The following CIITA variants were observed in gnomAD, a reference collection of about 807,000 sequenced individuals.
The protein encoded by CIITA is class II major histocompatibility complex transactivator, also known as MHC class II transactivator.
In CIITA, 72 loss-of-function variants were observed where a neutral mutation model predicts 115.1. The ratio of observed to expected loss-of-function variants is 0.63; its 90% CI spans 0.52 to 0.76. CIITA has a LOEUF of 0.76. Ranked by LOEUF, CIITA falls within the 30% of genes least tolerant of loss-of-function variation. CIITA has a pLI of 0.00. For synonymous variants in CIITA, 763 were observed against 635.6 expected (o/e 1.20, Z -3.02); for missense variants, 1,617 against 1,463.8 (o/e 1.10, Z -1.71).
chr16:10,922,066 T>C, intron 16 of CIITA, 101 bp from the exon 17 acceptor site: 4 of 1,025,988 alleles, frequency 3.9e-6, no homozygotes, highest in East Asian at 2.4e-5. Flanking sequence ...CCCCCAGGGA[T>C]AGTGGGACCA....
downstream of CIITA, chr16:10,936,793 C>A (rs1216989765): frequency 6.6e-6 from 1 of 152,198 alleles, no homozygotes; most frequent in Non-Finnish European, 1.5e-5. Flanking sequence ...GTTCCCTCGG[C>A]CTCCACTTCC....
chr16:10,941,970 T>G lies in CIITA; in HGVS notation n.1096T>G. ...GCACGTAGGGGACCAGGGGGCCCAG[T>G]GCGTCCAGGTGGGCCGCGACCCGGG... On this transcript the variant is annotated non_coding_transcript_exon_variant, in exon 2 of 2. Transcript: ENST00000573379. This position sits in a 1 kb window ranked among gnomAD's most constrained non-coding sequence, Gnocchi z 6.4. The G allele has an allele frequency of 6.5e-7, 1 of 1,529,332 alleles. No individual in the cohort carries two copies. The highest frequency in any genetic ancestry group is 8.8e-7 in the Non-Finnish European group (1 of 1,138,978). 94.7% of individuals were successfully genotyped at this position (1,529,332 alleles called of 1,614,324 possible).
At position 10,906,602 on chromosome 16, in the gene CIITA, G is replaced by A; in HGVS notation, c.1110G>A (p.Leu370=). 6.2e-7 allele frequency: 1 copy of A among 1,613,824 alleles called. No homozygotes were observed. Among genetic ancestry groups the A allele is most frequent in the Non-Finnish European group, 8.5e-7 (1 of 1,180,020 alleles). ...AGGTGGATCTGGTGCAGGCCAGGCT[G>A]GAGAGGAGCAGCAGCAAGAGCCTGG... ...LVEVDLVQAR[L]ERSSSKSLER... Residue 370 remains leucine, a synonymous_variant, in exon 11 of 20, where the codon CTG becomes CTA. Transcript: ENST00000324288.
At chr16:10,867,404 G>A (rs563919907) in intron 1 of CIITA, among the ~76,000 whole-genome samples, 11 of 151,728 alleles carry the variant, frequency 7.2e-5, no homozygotes, top group Non-Finnish European at 1.2e-4. Context: ...GACAGAAACC[G>A]AAAGACAGAG....
In CIITA at chr16:10,907,043, G is replaced by C; in HGVS notation, c.1551G>C (p.Pro517=). ...QDGFLHSTCG[P]APAEPCSLRG... ...GCTTCCTGCACAGCACGTGCGGACC[G>C]GCACCGGCGGAGCCCTGCTCCCTCC... The change falls in exon 11 of 20, where the codon CCG becomes CCC. Residue 517 remains proline (P), a synonymous_variant. Coordinates refer to ENST00000324288, the MANE Select transcript of CIITA (RefSeq NM_000246.4). The surrounding 1 kb of genome is among the most constrained non-coding windows in gnomAD (Gnocchi z 5.0). 6.2e-7 allele frequency: 1 copy of C among 1,607,226 alleles called. No homozygotes were observed. Among genetic ancestry groups the C allele is most frequent in the Non-Finnish European group, 8.5e-7 (1 of 1,179,900 alleles).
intron 16 of CIITA, among the ~76,000 whole-genome samples, chr16:10,919,624 T>C (rs1315438694): frequency 2.0e-5 from 3 of 152,318 alleles, no homozygotes; most frequent in Non-Finnish European, 2.9e-5. Context: ...ACCTCCCACC[T>C]CAGCCTTCCA....
chr16:10,895,274 C>T lies in CIITA; in HGVS notation c.53-8C>T. The T allele has an allele frequency of 6.2e-7, 1 of 1,613,734 alleles. No individual in the cohort carries two copies. The highest frequency in any genetic ancestry group is 8.5e-7 in the Non-Finnish European group (1 of 1,180,022). ...TGTGAGGTGACTGAGCATTGTCTTCCCTCCCAGGCAGCTCACAGTGTGCCA... is the reference window on the plus strand; with the variant it reads ...TGTGAGGTGACTGAGCATTGTCTTCTCTCCCAGGCAGCTCACAGTGTGCCA... On this transcript the variant is annotated splice_polypyrimidine_tract_variant and splice_region_variant and intron_variant, in intron 1 of 19. Coordinates refer to ENST00000324288, the MANE Select transcript of CIITA (RefSeq NM_000246.4).
intron 1 of CIITA, among the ~76,000 whole-genome samples, chr16:10,884,971 T>C (rs2036789219): frequency 6.6e-6 from 1 of 152,130 alleles, no homozygotes; most frequent in African/African-American, 2.4e-5. Flanking sequence ...CAAGCCATTA[T>C]CTTGGGACCT....
chr16:10,880,539 G>T (rs1314648593), intron 1 of CIITA, among the ~76,000 whole-genome samples: 1 of 152,190 alleles, frequency 6.6e-6, no homozygotes, highest in East Asian at 1.9e-4. Context: ...TTTGAACCCT[G>T]GTCTACTGAG....
Position 10,907,490 on chromosome 16 carries a change from G to A in CIITA, c.1998G>A (p.Glu666=). The A allele has an allele frequency of 1.2e-6, 2 of 1,613,852 alleles. No homozygotes were observed. The highest frequency in any genetic ancestry group is 1.7e-6 in the Non-Finnish European group (2 of 1,179,994). Residue 666 remains glutamate (E), a synonymous_variant, in exon 11 of 20, where the codon GAG becomes GAA. Coordinates refer to ENST00000324288, the MANE Select transcript of CIITA (RefSeq NM_000246.4). This position sits in a 1 kb window ranked among gnomAD's most constrained non-coding sequence, Gnocchi z 5.0. ...CAGAGCTGGCCAAGCTGGCCTGGGA[G>A]CTGGGCCGCAGACATCAAAGTACCC... The part of the protein sequence containing the change: ...ALAELAKLAW[E]LGRRHQSTLQ...
Position 10,933,037 on chromosome 16 carries a change from TG to T in CIITA, c.*9183del, listed in dbSNP as rs1256262799. ...TTCTAAGGCATCAAGAGCCCCAGGC[TG>T]AAAAGCACCCCAGAGCTGGAGCTTA... On this transcript the variant is annotated 3_prime_UTR_variant, in exon 20 of 20. Coordinates refer to ENST00000324288, the MANE Select transcript of CIITA (RefSeq NM_000246.4). The T allele has an allele frequency of 2.6e-5, 4 of 152,394 alleles. No homozygotes were observed. In the East Asian group the frequency reaches 7.7e-4, roughly 29 times the overall value. 9.4% of individuals were successfully genotyped at this position (152,394 alleles called of 1,614,324 possible).
At chr16:10,866,641 C>T in intron 1 of CIITA, 1 of 405,960 alleles carries the variant, frequency 2.5e-6, no homozygotes. Context: ...TTTCCCTCCT[C>T]TCTGAAAGGG....
Position 10,877,210 on chromosome 16 carries a change from G to C in CIITA, c.-121G>C. On this transcript the variant is annotated 5_prime_UTR_variant, in exon 1 of 20. Transcript: ENST00000324288. ...CCAACTGGTGACTGGTTAGTGATGA[G>C]GCTAGTGATGAGGCTGTGTGCTTCT... 1.2e-6 allele frequency: 1 copy of C among 817,856 alleles called. No individual in the cohort carries two copies. The highest frequency in any genetic ancestry group is 2.1e-6 in the Non-Finnish European group (1 of 479,244). 50.7% of individuals were successfully genotyped at this position (817,856 alleles called of 1,614,324 possible).
chr16:10,941,302 T>A (rs1050899242), downstream of CIITA: 5 of 166,516 alleles, frequency 3.0e-5, no homozygotes, highest in Middle Eastern at 3.0e-3. The surrounding 1 kb of genome is among the most constrained non-coding windows in gnomAD (Gnocchi z 6.4). Context: ...TCCATAAGCT[T>A]TGGGGGTAAG....
intron 9 of CIITA, among the ~76,000 whole-genome samples, chr16:10,904,195 G>A (rs1376250456): frequency 6.6e-6 from 1 of 152,052 alleles, no homozygotes; most frequent in Non-Finnish European, 1.5e-5. Context: ...TTTTTACATA[G>A]ATATTGTGAT....
At position 10,926,947 on chromosome 16, in the gene CIITA, C is replaced by T. The variant is rs2040555385; in HGVS notation, c.*3092C>T. 1 of 152,242 alleles carries T rather than the reference C, an allele frequency of 6.6e-6. No individual in the cohort carries two copies. The allele number at this position is 152,242 out of a possible 1,614,324, so 9.4% of individuals were successfully genotyped here. On this transcript the variant is annotated 3_prime_UTR_variant, in exon 20 of 20. Transcript: ENST00000324288. ...TGCCAGACACTGTGCTAAACTCCTA[C>T]TCAAGAGGGATAAGAGTCTAGGGGC... is the stretch of plus-strand genomic sequence containing the variant.
chr16:10,902,270 A>G (rs2038831388), intron 7 of CIITA, 86 bp downstream of exon 7: 15 of 1,551,534 alleles, frequency 9.7e-6, no homozygotes, highest in Non-Finnish European at 1.3e-5. Flanking sequence ...ACTGTCAGGA[A>G]CTGGACCTCA....
intron 8 of CIITA, 49 bp downstream of exon 8, chr16:10,902,850 G>C (rs779875908): frequency 2.6e-5 from 42 of 1,608,920 alleles, no homozygotes; most frequent in Non-Finnish European, 3.3e-5. Flanking sequence ...CTACCTGACT[G>C]CTCCCTGACC....
chr16:10,881,420 T>C (rs1260441683), intron 1 of CIITA, among the ~76,000 whole-genome samples: 3 of 152,216 alleles, frequency 2.0e-5, no homozygotes, highest in Non-Finnish European at 2.9e-5. Context: ...CCACCGATTC[T>C]CATAGGAAGG....
Sources: gnomAD v4.1 joint callset for allele counts (sites outside exome capture counted in the v4.1 genomes callset) on GRCh38, gnomAD v4.1.1 for gene constraint, Gnocchi (gnomAD v3.1) non-coding constraint, MANE v1.5 for transcripts, NCBI Gene and HGNC (gene_info 2026-07-23, HGNC 2026-07-21) for gene names.